DYNC2LI1: variants seen among roughly 807,000 people sequenced by gnomAD.
DYNC2LI1 encodes dynein cytoplasmic 2 light intermediate chain 1.
A neutral mutation model predicts 51.9 loss-of-function variants in DYNC2LI1; 45 were observed. The observed-to-expected ratio is 0.87, with a 90% CI of 0.68 to 1.11. The LOEUF (loss-of-function observed/expected upper bound fraction) is 1.11. Among genes scored for constraint, DYNC2LI1 ranks in the 50% most tolerant of loss-of-function variants. The pLI, the probability that DYNC2LI1 is intolerant of heterozygous loss-of-function variation, is 0.00. For synonymous variants in DYNC2LI1, 130 were observed against 137.8 expected (o/e 0.94, Z 0.40); for missense variants, 490 against 417.4 (o/e 1.17, Z -1.51).
chr2:43,813,379 A>C, downstream of DYNC2LI1: 1 of 1,125,298 alleles, frequency 8.9e-7, no homozygotes, highest in South Asian at 1.3e-5. Flanking sequence ...AGTATTTACC[A>C]AGCGCTTGCT....
In DYNC2LI1 at chr2:43,774,134, C is replaced by T. The variant is rs201390479; in HGVS notation, c.-5C>T. 2.5e-5 allele frequency: 40 copies of T among 1,613,970 alleles called. No individual in the cohort carries two copies. Among genetic ancestry groups the T allele is most frequent in the Middle Eastern group, 3.3e-4 (2 of 6,062 alleles). On this transcript the variant is annotated 5_prime_UTR_variant, in exon 1 of 13. Coordinates refer to ENST00000260605, the MANE Select transcript of DYNC2LI1 (RefSeq NM_016008.4). ...GTGACGTTTGCGGCAGCCAGGCCGTCGACGATGCCCAGGTATTCCCTGAAC... is the reference window on the plus strand; with the variant it reads ...GTGACGTTTGCGGCAGCCAGGCCGTTGACGATGCCCAGGTATTCCCTGAAC...
chr2:43,823,507 C>G, the DYNC2LI1 span, among the ~76,000 whole-genome samples: 5 of 152,186 alleles, frequency 3.3e-5, no homozygotes, highest in Non-Finnish European at 1.5e-5. Context: ...TGGAATTCCA[C>G]TGAATTTGAA....
chr2:43,790,470 G>T (rs190350064), intron 5 of DYNC2LI1, among the ~76,000 whole-genome samples: 1 of 152,092 alleles, frequency 6.6e-6, no homozygotes, highest in Non-Finnish European at 1.5e-5. Flanking sequence ...GCTCCTTGGA[G>T]GATTGAATTA....
chr2:43,819,785 A>G, the DYNC2LI1 span: 3 of 980,728 alleles, frequency 3.1e-6, no homozygotes, highest in East Asian at 5.1e-5. Flanking sequence ...AGCAGTATAA[A>G]TGCTCTAGAC....
chr2:43,782,266 T>C (rs964382933), intron 2 of DYNC2LI1, among the ~76,000 whole-genome samples: 7 of 152,176 alleles, frequency 4.6e-5, no homozygotes, highest in African/African-American at 1.4e-4. Flanking sequence ...TTCAATAATA[T>C]ACATTTTTAT....
At chr2:43,799,491 A>C (rs1281932431) in intron 8 of DYNC2LI1, among the ~76,000 whole-genome samples, 3 of 152,246 alleles carry the variant, frequency 2.0e-5, no homozygotes, top group Non-Finnish European at 4.4e-5. Flanking sequence ...AAAGTGACTA[A>C]ATTCATTCTT....
At chr2:43,776,354 T>A (rs1260130481) in intron 1 of DYNC2LI1, among the ~76,000 whole-genome samples, 1 of 152,134 alleles carries the variant, frequency 6.6e-6, no homozygotes, top group African/African-American at 2.4e-5. Flanking sequence ...AAAAAAGAAA[T>A]GTTTCAGGGA....
intron 12 of DYNC2LI1, chr2:43,805,469 T>A (rs1250790043): frequency 3.7e-6 from 1 of 271,796 alleles, no homozygotes; most frequent in Admixed American, 5.3e-5. Context: ...TCACCTGTCA[T>A]CCCACCACCC....
chr2:43,812,319 CTT>C (rs535572680), downstream of DYNC2LI1, among the ~76,000 whole-genome samples: 30,950 of 115,168 alleles, frequency 0.27, 3,922 homozygotes, highest in African/African-American at 0.42. Context: ...ACTTGTAATT[CTT>C]TTTTTTTTTT....
intron 12 of DYNC2LI1, among the ~76,000 whole-genome samples, chr2:43,806,331 G>T (rs879932835): frequency 5.3e-5 from 8 of 152,316 alleles, no homozygotes; most frequent in Non-Finnish European, 7.4e-5. Flanking sequence ...TGGCAGTCAC[G>T]TTGTTGCGAG....
chr2:43,801,307 C>T (rs1003989590), intron 9 of DYNC2LI1: 15 of 168,906 alleles, frequency 8.9e-5, no homozygotes, highest in South Asian at 5.9e-4. Context: ...TCCTTTCCCA[C>T]ACTTCAGTAG....
the DYNC2LI1 span, chr2:43,822,970 C>T: frequency 6.2e-7 from 1 of 1,611,702 alleles, no homozygotes; most frequent in African/African-American, 1.3e-5. Context: ...AACAGTCAGT[C>T]ACCACCCAGC....
intron 1 of DYNC2LI1, 129 bp downstream of exon 1, chr2:43,774,275 G>C: frequency 8.0e-7 from 1 of 1,255,188 alleles, no homozygotes; most frequent in East Asian, 2.6e-5. Flanking sequence ...GCAGGGTCGG[G>C]GACCTAGGAA....
intron 8 of DYNC2LI1, 69 bp from the exon 9 acceptor site, chr2:43,800,772 A>G: frequency 6.2e-6 from 5 of 806,984 alleles, no homozygotes; most frequent in Non-Finnish European, 9.8e-6. Flanking sequence ...GTTCAAAGCC[A>G]TATTTATTTT....
At chr2:43,809,115 A>C (rs1666386047) in intron 12 of DYNC2LI1, among the ~76,000 whole-genome samples, 1 of 151,982 alleles carries the variant, frequency 6.6e-6, no homozygotes, top group Non-Finnish European at 1.5e-5. Context: ...CAGACTCCCA[A>C]GTAGCTGGGA....
the DYNC2LI1 span, chr2:43,826,509 A>G: frequency 6.2e-7 from 1 of 1,614,222 alleles, no homozygotes; most frequent in South Asian, 1.1e-5. Context: ...TGGCTCATCA[A>G]ACAGCATGAC....
the DYNC2LI1 span, chr2:43,828,342 A>C: frequency 1.7e-6 from 1 of 605,712 alleles, no homozygotes; most frequent in South Asian, 1.9e-5. Context: ...AATTTTTTAA[A>C]ACGTCCCCAG....
the DYNC2LI1 span, chr2:43,822,770 CCCTGGGTGAACTGAACAACCCCTCA>C: frequency 6.2e-7 from 1 of 1,613,952 alleles, no homozygotes; most frequent in South Asian, 1.1e-5. Flanking sequence ...GGGAGCCCGG[CCCTGGGTGAACTGAACAACCCCTCA>C]CCAGTAGCAC....
At chr2:43,790,734 G>A (rs546751728) in intron 5 of DYNC2LI1, among the ~76,000 whole-genome samples, 3 of 152,076 alleles carry the variant, frequency 2.0e-5, no homozygotes, top group South Asian at 4.1e-4. Context: ...AATAGACTTC[G>A]TACAGGTTTG....
Sources: gnomAD v4.1 joint callset for allele counts (sites outside exome capture counted in the v4.1 genomes callset) on GRCh38, gnomAD v4.1.1 for gene constraint, MANE v1.5 for transcripts, NCBI Gene and HGNC (gene_info 2026-07-23, HGNC 2026-07-21) for gene names.